Variants in CRACDL observed in about 807,000 individuals in gnomAD.
CRACDL encodes the protein CRACD like, also known as CRACD-like protein.
In CRACDL, 26 loss-of-function variants were observed where a neutral mutation model predicts 70.6. That is an observed-to-expected ratio of 0.37 (90% CI 0.27 to 0.51). The LOEUF (loss-of-function observed/expected upper bound fraction) is 0.51. Among genes scored for constraint, CRACDL ranks in the 20% least tolerant of loss-of-function variants. The pLI is 0.94. For missense variants in CRACDL, 1,283 were observed against 1,376.9 expected, an observed-to-expected ratio of 0.93 and a Z score of 1.08; for synonymous variants, 618 against 615.2, an observed-to-expected ratio of 1.00 and a Z score of -0.07.
At position 98,872,822 on chromosome 2, in the gene CRACDL, C is replaced by G. The variant is rs187069333; in HGVS notation, c.-10-26012G>C. Among the ~76,000 whole-genome samples, 125 of 152,238 alleles carry G rather than the reference C, an allele frequency of 8.2e-4. 2 individuals are homozygous for G. The East Asian group carries it at 0.019, about 24-fold the overall frequency. On this transcript the variant is annotated intron_variant, in intron 1 of 9. Transcript: ENST00000397899. ...AACCCGTTTTTATTTTCGTAAAGCT[C>G]TTAGTGCACAGAATAAATAAAGGAA...
At chr2:98,874,522 G>A (rs916684804) in intron 1 of CRACDL, among the ~76,000 whole-genome samples, 3 of 152,214 alleles carry the variant, frequency 2.0e-5, no homozygotes, top group Non-Finnish European at 2.9e-5. Context: ...ATGCCTGGAT[G>A]CACCCCTCCC....
At position 98,821,889 on chromosome 2, in the gene CRACDL, G is replaced by T. The variant is rs773538963; in HGVS notation, c.2384C>A (p.Thr795Lys). Residue 795 changes from threonine (T) to lysine (K), a missense_variant, in exon 7 of 10, where the codon ACG becomes AAG. Thr to Lys is a moderately conservative substitution (Grantham distance 78). Coordinates refer to ENST00000397899, the MANE Select transcript of CRACDL (RefSeq NM_207362.3). ...CCTGCGCAGCGGCCTTTTCTCCGCC[G>T]TCCTGGGCTCCTTCCTGGGTTCCCG... is the stretch of plus-strand genomic sequence containing the variant. ...GEREPRKEPR[T>K]AEKRPLRRGA... The T allele has an allele frequency of 1.2e-6, 2 of 1,605,190 alleles. No homozygotes were observed. The highest frequency in any genetic ancestry group is 1.7e-6 in the Non-Finnish European group (2 of 1,178,152).
chr2:98,800,993 G>A (rs1246268142), intron 7 of CRACDL, among the ~76,000 whole-genome samples: 2 of 152,164 alleles, frequency 1.3e-5, no homozygotes, highest in Non-Finnish European at 2.9e-5. Flanking sequence ...GAGTGGGTGG[G>A]TGCCCTGGCT....
intron 1 of CRACDL, among the ~76,000 whole-genome samples, chr2:98,889,900 C>T (rs1472368530): frequency 6.6e-6 from 1 of 152,108 alleles, no homozygotes; most frequent in Non-Finnish European, 1.5e-5. Context: ...CAACACACTC[C>T]TAAATAACCA....
At position 98,860,162 on chromosome 2, in the gene CRACDL, A is replaced by G. The variant is rs12623022; in HGVS notation, c.-10-13352T>C. 7.2e-5 allele frequency among the ~76,000 whole-genome samples: 11 copies of G among 152,314 alleles called. No homozygotes were observed. In the East Asian group the frequency reaches 1.7e-3, roughly 24 times the overall value. ...AAAAAATTAAAGAAGACATAAATAG[A>G]TGGAAAGATATCCTGTGTTCATAAA... On this transcript the variant is annotated intron_variant, in intron 1 of 9. Transcript: ENST00000397899.
chr2:98,850,828 C>G (rs911667712), intron 1 of CRACDL, among the ~76,000 whole-genome samples: 4 of 152,186 alleles, frequency 2.6e-5, no homozygotes, highest in South Asian at 2.1e-4. Context: ...CCCTCTCCCT[C>G]CACCCTAACT....
intron 1 of CRACDL, among the ~76,000 whole-genome samples, chr2:98,889,135 G>T (rs557785363): frequency 2.0e-4 from 28 of 142,868 alleles, no homozygotes; most frequent in African/African-American, 7.2e-4. Flanking sequence ...AAAAAAAAAA[G>T]GGGGGGGAAG....
At chr2:98,927,160 C>T (rs180703461) in intron 1 of CRACDL, among the ~76,000 whole-genome samples, 50 of 152,336 alleles carry the variant, frequency 3.3e-4, no homozygotes, top group Admixed American at 3.1e-3. Flanking sequence ...CCCCTGTGGA[C>T]GGAGGTGGAG....
At chr2:98,886,022 T>G (rs950200235) in intron 1 of CRACDL, among the ~76,000 whole-genome samples, 1 of 152,168 alleles carries the variant, frequency 6.6e-6, no homozygotes, top group Non-Finnish European at 1.5e-5. Flanking sequence ...TCGGTAAAAT[T>G]AGTGAGCTCT....
chr2:98,830,029 A>G (rs918494667), intron 5 of CRACDL, among the ~76,000 whole-genome samples: 12 of 152,184 alleles, frequency 7.9e-5, no homozygotes, highest in Admixed American at 3.3e-4. Context: ...TTCATTTGCC[A>G]CCAGATCTGT....
At chr2:98,843,047 A>G (rs1706101810) in intron 2 of CRACDL, among the ~76,000 whole-genome samples, 1 of 152,102 alleles carries the variant, frequency 6.6e-6, no homozygotes, top group African/African-American at 2.4e-5. Context: ...CCTTCAATGC[A>G]TCCTTATCAG....
chr2:98,881,649 G>A (rs1376956041), intron 1 of CRACDL, among the ~76,000 whole-genome samples: 3 of 152,156 alleles, frequency 2.0e-5, no homozygotes, highest in African/African-American at 7.2e-5. Flanking sequence ...CTTCAGCTGG[G>A]GCGCCATGTA....
Position 98,823,674 on chromosome 2 carries a change from C to T in CRACDL, c.736-137G>A. ...GCTGGCACTTAAGTAGGCATGTACC[C>T]ACGGGTGTCTTTTCTCAGTCTGTAT... On this transcript the variant is annotated intron_variant, in intron 6 of 9. Coordinates refer to ENST00000397899, the MANE Select transcript of CRACDL (RefSeq NM_207362.3). This position sits in a 1 kb window ranked among gnomAD's most constrained non-coding sequence, Gnocchi z 4.0. 9.4e-7 allele frequency: 1 copy of T among 1,067,752 alleles called. No individual in the cohort carries two copies. Among genetic ancestry groups the T allele is most frequent in the South Asian group, 1.4e-5 (1 of 71,516 alleles). The allele number at this position is 1,067,752 out of a possible 1,614,324, so 66.1% of individuals were successfully genotyped here.
intron 1 of CRACDL, among the ~76,000 whole-genome samples, chr2:98,932,164 C>T (rs568620289): frequency 8.5e-5 from 13 of 152,266 alleles, no homozygotes; most frequent in African/African-American, 2.6e-4. Flanking sequence ...CCAGCAGTAC[C>T]GGTGTTTGCA....
chr2:98,831,660 AC>A (rs1705547936), intron 5 of CRACDL, among the ~76,000 whole-genome samples: 1 of 152,226 alleles, frequency 6.6e-6, no homozygotes, highest in South Asian at 2.1e-4. Flanking sequence ...AAGTGTTCTT[AC>A]CACAATAACA....
At chr2:98,860,778 T>C (rs1706905768) in intron 1 of CRACDL, among the ~76,000 whole-genome samples, 1 of 152,164 alleles carries the variant, frequency 6.6e-6, no homozygotes, top group African/African-American at 2.4e-5. Context: ...ACTTCAACAT[T>C]ATAAGATTTT....
intron 1 of CRACDL, among the ~76,000 whole-genome samples, chr2:98,885,931 A>T (rs964827072): frequency 9.4e-5 from 14 of 149,142 alleles, no homozygotes; most frequent in African/African-American, 3.2e-4. Flanking sequence ...AAAAAAAAAA[A>T]GGTCAGAATG....
chr2:98,864,817 G>C (rs192369900), intron 1 of CRACDL, among the ~76,000 whole-genome samples: 298 of 152,312 alleles, frequency 2.0e-3, no homozygotes, highest in Middle Eastern at 3.4e-3. Context: ...AAAGTGCTGG[G>C]ATTACAGGCA....
At chr2:98,848,580 G>A (rs1043912636) in intron 1 of CRACDL, among the ~76,000 whole-genome samples, 1 of 152,150 alleles carries the variant, frequency 6.6e-6, no homozygotes, top group African/African-American at 2.4e-5. Context: ...CAAGCATGCA[G>A]CTATCACCTG....
Sources: gnomAD v4.1 joint callset for allele counts (sites outside exome capture counted in the v4.1 genomes callset) on GRCh38, gnomAD v4.1.1 for gene constraint, Gnocchi (gnomAD v3.1) non-coding constraint, MANE v1.5 for transcripts, NCBI Gene and HGNC (gene_info 2026-07-23, HGNC 2026-07-21) for gene names.